PCDHGB2: variants seen among roughly 807,000 people sequenced by gnomAD.
PCDHGB2 encodes protocadherin gamma subfamily B, 2, also known as protocadherin gamma-B2.
PCDHGB2 carries 55 observed loss-of-function variants against 59.3 expected under a neutral mutation model. The observed-to-expected ratio is 0.93, with a 90% CI of 0.75 to 1.16. PCDHGB2 has a LOEUF of 1.16. PCDHGB2 is among the 50% of genes most tolerant of loss of function. The probability of loss-of-function intolerance (pLI) is 0.00; values close to 1 mark genes in which losing one functional copy is unlikely to be tolerated. For synonymous variants in PCDHGB2, 516 were observed against 512.0 expected (o/e 1.01, Z -0.11); for missense variants, 1,228 against 1,198.5 (o/e 1.02, Z -0.36).
At chr5:141,383,567 C>T in intron 1 of PCDHGB2, 1 of 1,613,214 alleles carries the variant, frequency 6.2e-7, no homozygotes, top group Non-Finnish European at 8.5e-7. Context: ...CCGCCCCGAT[C>T]CAGCACCGCC....
intron 1 of PCDHGB2, among the ~76,000 whole-genome samples, chr5:141,484,774 C>T (rs1269490742): frequency 6.6e-6 from 1 of 151,782 alleles, no homozygotes; most frequent in Non-Finnish European, 1.5e-5. Context: ...ATGTTGTCTG[C>T]CTCCCCACAG....
At position 141,477,372 on chromosome 5, in the gene PCDHGB2, CTG is replaced by C; in HGVS notation, c.2422-17432_2422-17431del. On this transcript the variant is annotated intron_variant, in intron 1 of 3. Transcript: ENST00000522605. This position sits in a 1 kb window ranked among gnomAD's most constrained non-coding sequence, Gnocchi z 4.9. ...ACCAGTGCAGACCTGGATCGGGAGA[CTG>C]TGCCAGAATACAACCTCAGCATCAC... The C allele has an allele frequency of 6.2e-7, 1 of 1,614,154 alleles. No homozygotes were observed. The highest frequency in any genetic ancestry group is 8.5e-7 in the Non-Finnish European group (1 of 1,180,030).
At chr5:141,413,357 G>C in intron 1 of PCDHGB2, 1 of 1,613,992 alleles carries the variant, frequency 6.2e-7, no homozygotes, top group Non-Finnish European at 8.5e-7. Context: ...CTGGCGCCCC[G>C]GGAGCTGGCG....
chr5:141,404,278 G>T (rs780738049), intron 1 of PCDHGB2: 7 of 1,613,962 alleles, frequency 4.3e-6, no homozygotes, highest in Admixed American at 3.3e-5. Flanking sequence ...CCCTGCAAGT[G>T]ACTGACATCA....
At chr5:141,437,150 A>T (rs572721302) in intron 1 of PCDHGB2, among the ~76,000 whole-genome samples, 1 of 152,328 alleles carries the variant, frequency 6.6e-6, no homozygotes, top group East Asian at 1.9e-4. Flanking sequence ...CATAATTAAC[A>T]TATGTGTTGA....
chr5:141,436,099 T>C (rs1400528271), intron 1 of PCDHGB2, among the ~76,000 whole-genome samples: 1 of 152,128 alleles, frequency 6.6e-6, no homozygotes, highest in Non-Finnish European at 1.5e-5. Flanking sequence ...TTGAGAGAAA[T>C]AGAGGACAAT....
intron 1 of PCDHGB2, among the ~76,000 whole-genome samples, chr5:141,468,216 T>C (rs2099160325): frequency 6.6e-6 from 1 of 150,794 alleles, no homozygotes. Flanking sequence ...TTCCAGCTAC[T>C]TGGGAGGATG....
At chr5:141,438,649 CACAT>C (rs2098044358) in intron 1 of PCDHGB2, among the ~76,000 whole-genome samples, 1 of 100,976 alleles carries the variant, frequency 9.9e-6, no homozygotes, top group Non-Finnish European at 2.0e-5. Context: ...CACACACACA[CACAT>C]ATATGTATAT....
chr5:141,369,352 G>A (rs1265381304), intron 1 of PCDHGB2, among the ~76,000 whole-genome samples: 1 of 152,116 alleles, frequency 6.6e-6, no homozygotes, highest in East Asian at 1.9e-4. Flanking sequence ...TTGTGATGTA[G>A]TATGAAAAAA....
At chr5:141,498,863 G>A (rs1311199561) in intron 2 of PCDHGB2, among the ~76,000 whole-genome samples, 2 of 151,466 alleles carry the variant, frequency 1.3e-5, no homozygotes, top group South Asian at 2.1e-4. Context: ...AACCCAGGAG[G>A]CGGAGGTTGC....
In PCDHGB2 at chr5:141,361,474, G is replaced by A. The variant is rs773626542; in HGVS notation, c.1339G>A (p.Asp447Asn). ...IVTLHISDVN[D>N]NAPVFQQTSY... ...CACCCTGCACATCTCCGACGTCAAC[G>A]ATAATGCCCCAGTTTTCCAACAGAC... is the stretch of plus-strand genomic sequence containing the variant. Residue 447 changes from aspartate (D) to asparagine (N), a missense_variant, in exon 1 of 4, where the codon GAT (aspartate) becomes AAT (asparagine). Around this residue, in one of 3 missense-constraint regions of PCDHGB2, gnomAD observed 781 missense variants for 721.6 expected, o/e 1.08. Transcript: ENST00000522605. 19 of 1,613,872 alleles carry A rather than the reference G, an allele frequency of 1.2e-5. No homozygotes were observed. The highest frequency in any genetic ancestry group is 1.5e-5 in the Non-Finnish European group (18 of 1,179,900).
chr5:141,435,973 G>T (rs1420195337), intron 1 of PCDHGB2, among the ~76,000 whole-genome samples: 1 of 152,028 alleles, frequency 6.6e-6, no homozygotes, highest in East Asian at 1.9e-4. Context: ...AGAGTGTGTG[G>T]TTCTACTTGT....
chr5:141,439,042 A>C (rs2098084096), intron 1 of PCDHGB2, among the ~76,000 whole-genome samples: 1 of 151,642 alleles, frequency 6.6e-6, no homozygotes, highest in Non-Finnish European at 1.5e-5. Context: ...TCAGTTCATA[A>C]GATTTCCATA....
chr5:141,395,080 A>G, intron 1 of PCDHGB2: 1 of 1,614,088 alleles, frequency 6.2e-7, no homozygotes, highest in Non-Finnish European at 8.5e-7. Flanking sequence ...TATTCCCAGG[A>G]AGTCTCCCTC....
intron 2 of PCDHGB2, among the ~76,000 whole-genome samples, chr5:141,504,211 A>G (rs2099836609): frequency 6.6e-6 from 1 of 152,218 alleles, no homozygotes. Flanking sequence ...GGAAAATTCC[A>G]AGTAGAGCTG....
Position 141,362,279 on chromosome 5 carries a change from TGC to T in PCDHGB2, c.2146_2147del (p.Arg716ThrfsTer29), listed in dbSNP as rs776950363. ...GTGATTCTGGCAATCTCCCTGCGCC[TGC>T]GACTCTCTTCCAGGTCAGATGCTTG... is the stretch of plus-strand genomic sequence containing the variant. On this transcript the variant is annotated frameshift_variant, in exon 1 of 4. Transcript: ENST00000522605. LOFTEE classifies it high-confidence loss of function. 12 of 1,614,070 alleles carry T rather than the reference TGC, an allele frequency of 7.4e-6. No individual in the cohort carries two copies. The highest frequency in any genetic ancestry group is 9.3e-6 in the Non-Finnish European group (11 of 1,179,910).
intron 3 of PCDHGB2, among the ~76,000 whole-genome samples, chr5:141,506,444 CA>C (rs1219684339): frequency 0.54 from 51,660 of 95,006 alleles, 10,715 homozygotes; most frequent in African/African-American, 0.61. Context: ...CGCTCTGTCT[CA>C]AAAAAAAAAA....
At chr5:141,393,754 T>G in intron 1 of PCDHGB2, 1 of 1,613,892 alleles carries the variant, frequency 6.2e-7, no homozygotes, top group Non-Finnish European at 8.5e-7. Flanking sequence ...GAATGTTCAT[T>G]TTATGAAATG....
At chr5:141,395,815 A>T (rs1243382510) in intron 1 of PCDHGB2, 1 of 152,044 alleles carries the variant, frequency 6.6e-6, no homozygotes, top group Non-Finnish European at 1.5e-5. Context: ...AAACATGAAC[A>T]AACTTTAAAG....
Sources: allele counts gnomAD v4.1 joint callset (sites outside exome capture counted in the v4.1 genomes callset), GRCh38; gene constraint gnomAD v4.1.1; regional missense constraint gnomAD v4.1.1; non-coding constraint Gnocchi (gnomAD v3.1); transcripts MANE v1.5; gene names NCBI Gene and HGNC (gene_info 2026-07-23, HGNC 2026-07-21).